The following AMER1 variants were observed in gnomAD, a reference collection of about 807,000 sequenced individuals.
AMER1 encodes RP11-403E24.2.
In AMER1, 16 loss-of-function variants were observed where a neutral mutation model predicts 53.0. The ratio of observed to expected loss-of-function variants is 0.30; its 90% CI spans 0.20 to 0.46. AMER1 has a LOEUF of 0.46. Among genes scored for constraint, AMER1 ranks in the 20% least tolerant of loss-of-function variants. The pLI, the probability that AMER1 is intolerant of heterozygous loss-of-function variation, is 1.00. For missense variants in AMER1, 947 were observed against 884.9 expected, an observed-to-expected ratio of 1.07 and a Z score of -0.89; for synonymous variants, 354 against 331.9, an observed-to-expected ratio of 1.07 and a Z score of -0.73.
rs867751090 is a variant in AMER1 at position 64,190,208 on chromosome X, G to A, written c.3079C>T (p.His1027Tyr). 6 of 1,210,105 alleles carry A rather than the reference G, an allele frequency of 5.0e-6. 1 individual carries two copies. In the Admixed American group the frequency reaches 1.1e-4, roughly 22 times the overall value. ...TTATAGCAAGGGCCCATGGGCAGGT[G>A]TAGGTGTGAGGGACGAGCTAGTTGA... ...GPQLARPSHL[H>Y]LPMGPCYNLQ... The change falls in exon 2 of 2, where the codon CAC becomes TAC. Residue 1027 changes from histidine (H) to tyrosine (Y), a missense_variant. His to Tyr is a moderately conservative substitution (Grantham distance 83, BLOSUM62 2). Transcript: ENST00000374869.
Position 64,191,324 on chromosome X carries a change from G to A in AMER1, c.1963C>T (p.Gln655Ter), listed in dbSNP as rs2147087053. 8.3e-7 allele frequency: 1 copy of A among 1,211,613 alleles called. No individual in the cohort carries two copies. The highest frequency in any genetic ancestry group is 1.1e-6 in the Non-Finnish European group (1 of 895,452). ...ACTGATGGGCCTAAGGGCCTCATCTGATACTCTAAGACGGGCTTCTCCTGC... is the reference window on the plus strand; with the variant it reads ...ACTGATGGGCCTAAGGGCCTCATCTAATACTCTAAGACGGGCTTCTCCTGC... ...ARQEKPVLEY[Q>*]MRPLGPSVMG... The change falls in exon 2 of 2, where the codon CAG becomes TAG. Residue 655 changes from glutamine to a stop codon, truncating the protein, a stop_gained. Transcript: ENST00000374869. LOFTEE classifies it high-confidence loss of function.
rs1602064477 is a variant in AMER1 at position 64,186,043 on chromosome X, G to C, written c.*3836C>G. The C allele has an allele frequency of 1.0e-6, 1 of 982,970 alleles. No individual in the cohort carries two copies. Among genetic ancestry groups the C allele is most frequent in the Non-Finnish European group, 1.4e-6 (1 of 699,603 alleles). 81.0% of individuals were successfully genotyped at this position (982,970 alleles called of 1,213,427 possible). A position where few individuals can be genotyped will look rare whatever the true frequency, so the allele number is the denominator to read the frequency against. ...AAAATAAGACACATGAGTACTCTCA[G>C]AGGGTCTAGACATGGGGAAGAAGGG... On this transcript the variant is annotated 3_prime_UTR_variant, in exon 2 of 2. Coordinates refer to ENST00000374869, the MANE Select transcript of AMER1 (RefSeq NM_152424.4).
chrX:64,189,793 A>AGGGGGGCCCCC lies in AMER1; in HGVS notation c.*85_*86insGGGGGCCCCCC. The stretch of plus-strand genomic sequence containing the variant: ...CAAAGGGTTTTCAAGTTAAACAACA[A>AGGGGGGCCCCC]CCCCCACCCCCCCACCCTTCTGCCC... On this transcript the variant is annotated 3_prime_UTR_variant, in exon 2 of 2. Transcript: ENST00000374869. The AGGGGGGCCCCC allele has an allele frequency of 6.8e-6, 2 of 292,074 alleles. No homozygotes were observed. The highest frequency in any genetic ancestry group is 9.8e-6 in the Non-Finnish European group (2 of 204,832). The allele number at this position is 292,074 out of a possible 1,213,427, so 24.1% of individuals were successfully genotyped here. A position where few individuals can be genotyped will look rare whatever the true frequency, so the allele number is the denominator to read the frequency against.
Position 64,191,880 on chromosome X carries a change from T to C in AMER1, c.1407A>G (p.Glu469=). 1 of 1,211,304 alleles carries C rather than the reference T, an allele frequency of 8.3e-7. No individual in the cohort carries two copies. The highest frequency in any genetic ancestry group is 1.1e-6 in the Non-Finnish European group (1 of 895,383). The change falls in exon 2 of 2, where the codon GAA becomes GAG. Residue 469 remains glutamate (E), a synonymous_variant. Coordinates refer to ENST00000374869, the MANE Select transcript of AMER1 (RefSeq NM_152424.4). ...CAGGTGTGGTGGAGTCATAATAACC[T>C]TCATCACTATTGGGGGCGGATTCTT... The part of the protein sequence containing the change: ...DQQESAPNSD[E]GYYDSTTPGF...
Position 64,203,748 on chromosome X carries a change from A to G in AMER1, c.-99+1822T>C, listed in dbSNP as rs983583576. Among the ~76,000 whole-genome samples the G allele has an allele frequency of 3.6e-5, 4 of 111,093 alleles. No individual in the cohort carries two copies. In the Admixed American group the frequency reaches 3.8e-4, roughly 11 times the overall value. On this transcript the variant is annotated intron_variant, in intron 1 of 1. Coordinates refer to ENST00000374869, the MANE Select transcript of AMER1 (RefSeq NM_152424.4). ...AGGCTGAGTGGGTTTGGGTGTGGGG[A>G]AGGGAGTTACATAGAGCAGATACAT...
intron 1 of AMER1, among the ~76,000 whole-genome samples, chrX:64,203,346 C>T (rs145478510): frequency 2.7e-5 from 3 of 111,634 alleles, no homozygotes; most frequent in East Asian, 2.8e-4. Flanking sequence ...TCAGGACAAG[C>T]GCAAGTTGGA....
At position 64,200,440 on chromosome X, in the gene AMER1, G is replaced by T. The variant is rs141349315; in HGVS notation, c.-99+5130C>A. Among the ~76,000 whole-genome samples, 263 of 112,337 alleles carry T rather than the reference G, an allele frequency of 2.3e-3. 2 individuals are homozygous for T. The highest frequency in any genetic ancestry group is 8.2e-3 in the African/African-American group (252 of 30,909). On this transcript the variant is annotated intron_variant, in intron 1 of 1. Transcript: ENST00000374869. ...GTGAGGAAACTGAAGCTTGGGAGGG[G>T]ACAAGGAGAGTGTGATTCGAGGAAG... is the stretch of plus-strand genomic sequence containing the variant.
At chrX:64,198,603 A>T (rs943753585) in intron 1 of AMER1, among the ~76,000 whole-genome samples, 4 of 111,985 alleles carry the variant, frequency 3.6e-5, no homozygotes, top group Non-Finnish European at 7.5e-5. Flanking sequence ...CCCTCACACC[A>T]GCAAGAACTA....
chrX:64,187,829 G>C lies in AMER1; in HGVS notation c.*2050C>G, dbSNP rs927793074. On this transcript the variant is annotated 3_prime_UTR_variant, in exon 2 of 2. Transcript: ENST00000374869. ...CTTCTCTCTTGGAATGCTGTGCTTG[G>C]GGTAAGGAGGGCCTTCCTCACCCTC... The C allele has an allele frequency of 2.6e-6, 2 of 775,305 alleles. No individual in the cohort carries two copies. Among genetic ancestry groups the C allele is most frequent in the Middle Eastern group, 6.9e-4 (1 of 1,457 alleles). 63.9% of individuals were successfully genotyped at this position (775,305 alleles called of 1,213,427 possible). A position where few individuals can be genotyped will look rare whatever the true frequency, so the allele number is the denominator to read the frequency against.
chrX:64,193,189 G>C lies in AMER1; in HGVS notation c.98C>G (p.Ala33Gly), dbSNP rs768534964. 8.3e-7 allele frequency: 1 copy of C among 1,211,916 alleles called. No homozygotes were observed. Among genetic ancestry groups the C allele is most frequent in the Non-Finnish European group, 1.1e-6 (1 of 895,561 alleles). ...QTAEKGAKNK[A>G]AEATEGPTSE... The stretch of plus-strand genomic sequence containing the variant: ...GGTTGGTCCTTCTGTCGCCTCAGCT[G>C]CCTTGTTCTTGGCTCCTTTTTCTGC... The change falls in exon 2 of 2, where the codon GCA becomes GGA. Residue 33 changes from alanine to glycine, a missense_variant. By Grantham distance (60) the Ala-to-Gly change is moderately conservative. Coordinates refer to ENST00000374869, the MANE Select transcript of AMER1 (RefSeq NM_152424.4).
Position 64,189,592 on chromosome X carries a change from T to C in AMER1, c.*287A>G. On this transcript the variant is annotated 3_prime_UTR_variant, in exon 2 of 2. Coordinates refer to ENST00000374869, the MANE Select transcript of AMER1 (RefSeq NM_152424.4). ...CTTGGCAACTGGAATAGGCACAAAA[T>C]TACAGCATCCCAAACCCAGCGTGGG... 1 of 815,013 alleles carries C rather than the reference T, an allele frequency of 1.2e-6. No homozygotes were observed. The highest frequency in any genetic ancestry group is 1.5e-6 in the Non-Finnish European group (1 of 684,765). The allele number at this position is 815,013 out of a possible 1,213,427, so 67.2% of individuals were successfully genotyped here. A position where few individuals can be genotyped will look rare whatever the true frequency, so the allele number is the denominator to read the frequency against.
Position 64,185,122 on chromosome X carries a change from G to T in AMER1, c.*4757C>A, listed in dbSNP as rs1930077454. The T allele has an allele frequency of 2.1e-5, 3 of 141,264 alleles. No homozygotes were observed. The South Asian group carries it at 1.0e-3, about 48-fold the overall frequency. 11.6% of individuals were successfully genotyped at this position (141,264 alleles called of 1,213,427 possible). ...ACCACAAGAATGCACATTAGTGACT[G>T]AGGGGTTCCCTCTTGAACCCAGAAG... On this transcript the variant is annotated 3_prime_UTR_variant, in exon 2 of 2. Coordinates refer to ENST00000374869, the MANE Select transcript of AMER1 (RefSeq NM_152424.4).
chrX:64,187,182 T>C lies in AMER1; in HGVS notation c.*2697A>G, dbSNP rs1305226198. On this transcript the variant is annotated 3_prime_UTR_variant, in exon 2 of 2. Coordinates refer to ENST00000374869, the MANE Select transcript of AMER1 (RefSeq NM_152424.4). ...ATGTCACCCTGTGCTGTCAACACCATGGGTCCCCAGACAGGTCTTCCTTCC... is the reference window on the plus strand; with the variant it reads ...ATGTCACCCTGTGCTGTCAACACCACGGGTCCCCAGACAGGTCTTCCTTCC... 1.7e-5 allele frequency: 13 copies of C among 785,014 alleles called. No homozygotes were observed. The highest frequency in any genetic ancestry group is 2.0e-5 in the Non-Finnish European group (13 of 658,433). 64.7% of individuals were successfully genotyped at this position (785,014 alleles called of 1,213,427 possible).
chrX:64,188,789 C>T lies in AMER1; in HGVS notation c.*1090G>A. 1.2e-6 allele frequency: 1 copy of T among 804,475 alleles called. No homozygotes were observed. The highest frequency in any genetic ancestry group is 1.5e-6 in the Non-Finnish European group (1 of 670,290). 66.3% of individuals were successfully genotyped at this position (804,475 alleles called of 1,213,427 possible). ...AAATGGACCCTCATTTTCTATCTTT[C>T]CCCTACACTCCACAAAAACCCCAGC... On this transcript the variant is annotated 3_prime_UTR_variant, in exon 2 of 2. Transcript: ENST00000374869.
In AMER1 at chrX:64,196,060, C is replaced by T. The variant is rs765164951; in HGVS notation, c.-98-2676G>A. Among the ~76,000 whole-genome samples, 351 of 112,342 alleles carry T rather than the reference C, an allele frequency of 3.1e-3. 1 individual carries two copies. Among genetic ancestry groups the T allele is most frequent in the Non-Finnish European group, 6.1e-3 (322 of 53,188 alleles). Reference sequence around the variant, plus strand: ...AAGGCTGCTTTCCAGAGCCTTGACGCCCCAGTTAGAAGACAGTCTCTTTGG... The same window carrying T: ...AAGGCTGCTTTCCAGAGCCTTGACGTCCCAGTTAGAAGACAGTCTCTTTGG... On this transcript the variant is annotated intron_variant, in intron 1 of 1. Coordinates refer to ENST00000374869, the MANE Select transcript of AMER1 (RefSeq NM_152424.4).
rs980690174 is a variant in AMER1 at position 64,186,795 on chromosome X, C to G, written c.*3084G>C. 6 of 772,520 alleles carry G rather than the reference C, an allele frequency of 7.8e-6. No individual in the cohort carries two copies. In the African/African-American group the frequency reaches 1.1e-4, roughly 15 times the overall value. 63.7% of individuals were successfully genotyped at this position (772,520 alleles called of 1,213,427 possible). On this transcript the variant is annotated 3_prime_UTR_variant, in exon 2 of 2. Coordinates refer to ENST00000374869, the MANE Select transcript of AMER1 (RefSeq NM_152424.4). ...GTGCTTCCTTGGAGACTCTAAAGCA[C>G]CAAGAAACTGGCATCCTGGCCCTGG...
chrX:64,188,795 C>T lies in AMER1; in HGVS notation c.*1084G>A, dbSNP rs1930159763. ...ACCCTCATTTTCTATCTTTCCCCTA[C>T]ACTCCACAAAAACCCCAGCCCCTAT... On this transcript the variant is annotated 3_prime_UTR_variant, in exon 2 of 2. Coordinates refer to ENST00000374869, the MANE Select transcript of AMER1 (RefSeq NM_152424.4). 8.7e-6 allele frequency: 7 copies of T among 803,204 alleles called. No homozygotes were observed. The South Asian group carries it at 3.3e-4, about 38-fold the overall frequency. 66.2% of individuals were successfully genotyped at this position (803,204 alleles called of 1,213,427 possible).
Position 64,197,755 on chromosome X carries a change from G to T in AMER1, c.-98-4371C>A, listed in dbSNP as rs974201591. Among the ~76,000 whole-genome samples the T allele has an allele frequency of 1.2e-4, 13 of 112,269 alleles. 1 individual carries two copies. In the Admixed American group the frequency reaches 1.2e-3, roughly 11 times the overall value. On this transcript the variant is annotated intron_variant, in intron 1 of 1. Coordinates refer to ENST00000374869, the MANE Select transcript of AMER1 (RefSeq NM_152424.4). ...CCTCCAGAGAGCTGGCCATTTCAGC[G>T]CTGGAATCAACTCTGCCCAGCTAGG...
intron 1 of AMER1, among the ~76,000 whole-genome samples, chrX:64,202,440 C>G (rs1397412798): frequency 2.7e-5 from 3 of 111,841 alleles, no homozygotes; most frequent in Non-Finnish European, 5.6e-5. Flanking sequence ...GCACGGGAAG[C>G]AGGAGCCTAT....
Sources: allele counts gnomAD v4.1 joint callset (sites outside exome capture counted in the v4.1 genomes callset), GRCh38; gene constraint gnomAD v4.1.1; transcripts MANE v1.5; gene names NCBI Gene and HGNC (gene_info 2026-07-23, HGNC 2026-07-21).